The following ARHGDIB variants were observed in gnomAD, a reference collection of about 807,000 sequenced individuals.
ARHGDIB encodes the protein rho GDP-dissociation inhibitor 2.
A neutral mutation model predicts 22.6 loss-of-function variants in ARHGDIB; 20 were observed. That is an observed-to-expected ratio of 0.88 (90% CI 0.62 to 1.28). ARHGDIB has a LOEUF of 1.28. Ranked by LOEUF, ARHGDIB falls within the 50% of genes most tolerant of loss-of-function variation. The pLI is 0.00. For missense variants in ARHGDIB, 254 were observed against 245.4 expected, an observed-to-expected ratio of 1.04 and a Z score of -0.23; for synonymous variants, 114 against 96.1, an observed-to-expected ratio of 1.19 and a Z score of -1.09.
At chr12:14,948,072 A>G (rs561378886) in intron 3 of ARHGDIB, 123 bp from the exon 4 acceptor site, 2 of 688,722 alleles carry the variant, frequency 2.9e-6, no homozygotes, top group African/African-American at 3.6e-5. Context: ...AGGGCCCTCA[A>G]TTCACAGAGT....
chr12:14,944,093 C>CTCTGGAGAAACAAGGG (rs1185576092), intron 5 of ARHGDIB, among the ~76,000 whole-genome samples: 1 of 151,414 alleles, frequency 6.6e-6, no homozygotes, highest in Non-Finnish European at 1.5e-5. Context: ...TGTTTCTTGC[C>CTCTGGAGAAACAAGGG]TCTGGAGGGG....
At chr12:14,943,612 T>C (rs1234477733) in intron 5 of ARHGDIB, among the ~76,000 whole-genome samples, 3 of 151,910 alleles carry the variant, frequency 2.0e-5, no homozygotes, top group Non-Finnish European at 2.9e-5. Context: ...AAGTAACAGA[T>C]GGTGATGAGA....
At chr12:14,949,935 T>TG in intron 2 of ARHGDIB, 50 bp from the exon 3 acceptor site, 1 of 1,500,344 alleles carries the variant, frequency 6.7e-7, no homozygotes, top group Non-Finnish European at 9.2e-7. Context: ...ATGTGTATAG[T>TG]GGGTGTGTGC....
At chr12:14,949,333 C>T (rs1864110262) in intron 3 of ARHGDIB, among the ~76,000 whole-genome samples, 1 of 152,174 alleles carries the variant, frequency 6.6e-6, no homozygotes, top group Non-Finnish European at 1.5e-5. Context: ...TAACAAGAAT[C>T]AGAGTTTCAA....
chr12:14,953,883 G>GTC lies in ARHGDIB; in HGVS notation c.-12-3161_-12-3160dup, dbSNP rs546574121. On this transcript the variant is annotated intron_variant, in intron 1 of 5. Transcript: ENST00000228945. ...TCTCTCTTTCTCCCTTTCTTTCTTT[G>GTC]TCTCTCTCTCTCCCTTCTTTCTTTC... Among the ~76,000 whole-genome samples, 13 of 140,604 alleles carry GTC rather than the reference G, an allele frequency of 9.2e-5. No homozygotes were observed. The East Asian group carries it at 2.1e-3, about 23-fold the overall frequency. The allele number at this position is 140,604 out of a possible 152,430, so 92.2% of individuals were successfully genotyped here.
At chr12:14,954,368 A>G (rs1295740382) in intron 1 of ARHGDIB, among the ~76,000 whole-genome samples, 4 of 152,244 alleles carry the variant, frequency 2.6e-5, no homozygotes, top group Non-Finnish European at 5.9e-5. Context: ...ATATTGAAGC[A>G]GAAGATATCA....
chr12:14,943,924 CA>C (rs770058289), intron 5 of ARHGDIB, among the ~76,000 whole-genome samples: 10 of 152,110 alleles, frequency 6.6e-5, no homozygotes, highest in Non-Finnish European at 1.2e-4. Flanking sequence ...ACTTTTTTTT[CA>C]TGAGACTAGG....
chr12:14,947,747 A>T, intron 4 of ARHGDIB, 126 bp downstream of exon 4: 1 of 790,042 alleles, frequency 1.3e-6, no homozygotes. Flanking sequence ...GACATTCCAG[A>T]CCCAGCTTGG....
intron 1 of ARHGDIB, among the ~76,000 whole-genome samples, chr12:14,953,698 G>T (rs1338365173): frequency 5.3e-5 from 8 of 151,992 alleles, no homozygotes; most frequent in African/African-American, 1.9e-4. Flanking sequence ...GACCCCTGAA[G>T]TCCTTTATAG....
At chr12:14,953,078 A>G (rs796462145) in intron 1 of ARHGDIB, among the ~76,000 whole-genome samples, 2 of 152,316 alleles carry the variant, frequency 1.3e-5, no homozygotes, top group African/African-American at 4.8e-5. Flanking sequence ...ATAGGTCTTG[A>G]TCTTCTCATC....
chr12:14,954,431 A>G (rs889376017), intron 1 of ARHGDIB, among the ~76,000 whole-genome samples: 2 of 152,250 alleles, frequency 1.3e-5, no homozygotes, highest in Admixed American at 6.5e-5. Flanking sequence ...AGAGAAGCCC[A>G]GGTGCACATG....
chr12:14,947,375 A>G (rs943692893), intron 4 of ARHGDIB, among the ~76,000 whole-genome samples: 7 of 152,214 alleles, frequency 4.6e-5, no homozygotes, highest in African/African-American at 1.7e-4. Context: ...TCCTGGATTT[A>G]TATAATCCTT....
rs192187897 is a variant in ARHGDIB at position 14,943,724 on chromosome 12, T to C, written c.407-1003A>G. On this transcript the variant is annotated intron_variant, in intron 5 of 5. Coordinates refer to ENST00000228945, the MANE Select transcript of ARHGDIB (RefSeq NM_001175.7). ...TGGTGAAAATAGCCAATCAAGTTTA[T>C]TTATAGGTGGTTAACTGGAATATAT... 2.7e-3 allele frequency among the ~76,000 whole-genome samples: 415 copies of C among 152,240 alleles called. 1 individual carries two copies. The highest frequency in any genetic ancestry group is 2.4e-3 in the Non-Finnish European group (166 of 68,018).
intron 4 of ARHGDIB, among the ~76,000 whole-genome samples, chr12:14,947,177 A>G (rs1246203092): frequency 6.6e-6 from 1 of 152,158 alleles, no homozygotes; most frequent in African/African-American, 2.4e-5. Context: ...AAGTGCAAAC[A>G]CTGCATTTCT....
chr12:14,946,607 G>A (rs1473085934), intron 4 of ARHGDIB, among the ~76,000 whole-genome samples: 1 of 152,034 alleles, frequency 6.6e-6, no homozygotes, highest in Admixed American at 6.6e-5. Context: ...CCCTTTCTGT[G>A]GCCTCCTCCT....
At chr12:14,950,202 G>A (rs1864135634) in intron 2 of ARHGDIB, among the ~76,000 whole-genome samples, 1 of 152,140 alleles carries the variant, frequency 6.6e-6, no homozygotes, top group Non-Finnish European at 1.5e-5. Context: ...TTCTGCCGCG[G>A]TGTATGTGGA....
intron 1 of ARHGDIB, among the ~76,000 whole-genome samples, chr12:14,954,226 G>A (rs1290294863): frequency 6.6e-6 from 1 of 152,112 alleles, no homozygotes; most frequent in Non-Finnish European, 1.5e-5. Flanking sequence ...AGATCCACCC[G>A]CCTTGGCCTC....
In ARHGDIB at chr12:14,942,508, A is replaced by C. The variant is rs34914037; in HGVS notation, c.*14T>G. The C allele has an allele frequency of 8.7e-4, 1,402 of 1,613,676 alleles. 15 individuals are homozygous for C. In the African/African-American group the frequency reaches 0.015, roughly 18 times the overall value. Reference sequence around the variant, plus strand: ...TCTTCCAGGTGGCAAGGGTGGGGAAAGGGGTGGATGCATTCATTCTGTCCA... The same window carrying C: ...TCTTCCAGGTGGCAAGGGTGGGGAACGGGGTGGATGCATTCATTCTGTCCA... On this transcript the variant is annotated 3_prime_UTR_variant, in exon 6 of 6. Coordinates refer to ENST00000228945, the MANE Select transcript of ARHGDIB (RefSeq NM_001175.7).
At chr12:14,944,242 T>C (rs1385618743) in intron 5 of ARHGDIB, among the ~76,000 whole-genome samples, 1 of 151,230 alleles carries the variant, frequency 6.6e-6, no homozygotes, top group Non-Finnish European at 1.5e-5. Flanking sequence ...TTAAGTAATG[T>C]TGTTGTGTTA....
Sources: gnomAD v4.1 joint callset for allele counts (sites outside exome capture counted in the v4.1 genomes callset) on GRCh38, gnomAD v4.1.1 for gene constraint, MANE v1.5 for transcripts, NCBI Gene and HGNC (gene_info 2026-07-23, HGNC 2026-07-21) for gene names.